Variants in PRKG1 observed in about 807,000 individuals in gnomAD.
PRKG1 encodes cGMP-dependent protein kinase 1.
Under a neutral mutation model 88.1 loss-of-function variants are expected in PRKG1, and 35 were observed. That is an observed-to-expected ratio of 0.40 (90% CI 0.30 to 0.53). The LOEUF is 0.53. PRKG1 is among the 20% of genes least tolerant of loss of function. PRKG1 has a pLI of 0.59. For synonymous variants in PRKG1, 303 were observed against 292.5 expected, an observed-to-expected ratio of 1.04 and a Z score of -0.37; for missense variants, 540 against 839.8, an observed-to-expected ratio of 0.64 and a Z score of 4.41.
intron 2 of PRKG1, among the ~76,000 whole-genome samples, chr10:51,400,850 G>A (rs1162680153): frequency 2.6e-5 from 4 of 152,186 alleles, no homozygotes; most frequent in Admixed American, 2.0e-4. Context: ...GGTGTGTAAT[G>A]ATGGGAATGG....
chr10:52,079,929 C>T (rs1846728190), intron 7 of PRKG1, among the ~76,000 whole-genome samples: 1 of 152,150 alleles, frequency 6.6e-6, no homozygotes, highest in Non-Finnish European at 1.5e-5. Context: ...AGTGCTAGGG[C>T]AGGCTGTCCC....
chr10:52,277,415 T>C (rs1405511408), intron 12 of PRKG1, among the ~76,000 whole-genome samples: 1 of 152,188 alleles, frequency 6.6e-6, no homozygotes, highest in African/African-American at 2.4e-5. Context: ...TATTAAGACA[T>C]AGTAGCTAAA....
chr10:51,530,583 G>T (rs1020397526), intron 3 of PRKG1, among the ~76,000 whole-genome samples: 1 of 152,028 alleles, frequency 6.6e-6, no homozygotes, highest in Non-Finnish European at 1.5e-5. Flanking sequence ...TTCAACTGAG[G>T]TGACCGTCAT....
intron 2 of PRKG1, among the ~76,000 whole-genome samples, chr10:51,303,074 A>C (rs1175108769): frequency 6.6e-6 from 1 of 152,170 alleles, no homozygotes; most frequent in Non-Finnish European, 1.5e-5. Flanking sequence ...GATTGGTTTG[A>C]AAACTGGTTA....
chr10:51,228,813 C>T (rs901803327), intron 2 of PRKG1, among the ~76,000 whole-genome samples: 4 of 152,146 alleles, frequency 2.6e-5, no homozygotes, highest in African/African-American at 9.7e-5. Context: ...CCCACTTTGC[C>T]GAAGATAATA....
rs1318995044 is a variant in PRKG1, at chr10:51,739,325, T to TC, written c.593-65260_593-65259insC. Reference sequence around the variant, plus strand: ...TGCTTCCCAAAACTCCTAGCTATATTTCCCTCCTAATGTCAAACCTAACAG... The same window carrying TC: ...TGCTTCCCAAAACTCCTAGCTATATTCTCCCTCCTAATGTCAAACCTAACAG... On this transcript the variant is annotated intron_variant, in intron 3 of 17. Coordinates refer to ENST00000373980, the MANE Select transcript of PRKG1 (RefSeq NM_006258.4). Among the ~76,000 whole-genome samples the TC allele has an allele frequency of 1.9e-3, 290 of 152,296 alleles. 3 individuals are homozygous for TC. The highest frequency in any genetic ancestry group is 2.9e-3 in the Non-Finnish European group (198 of 68,016).
intron 12 of PRKG1, among the ~76,000 whole-genome samples, chr10:52,275,911 G>A (rs757911125): frequency 6.6e-6 from 1 of 151,814 alleles, no homozygotes; most frequent in Non-Finnish European, 1.5e-5. Flanking sequence ...GGTATTTTCC[G>A]AAGTTTTTGG....
intron 4 of PRKG1, among the ~76,000 whole-genome samples, chr10:51,898,365 T>C (rs954069679): frequency 1.3e-5 from 2 of 152,048 alleles, no homozygotes; most frequent in African/African-American, 4.8e-5. Context: ...ATAATATACA[T>C]TACTTATTAT....
chr10:51,902,151 G>A (rs971540418), intron 4 of PRKG1, among the ~76,000 whole-genome samples: 27 of 151,784 alleles, frequency 1.8e-4, no homozygotes, highest in Admixed American at 3.9e-4. Flanking sequence ...TTTTGCTCTC[G>A]TTGCCCAGGC....
rs35778588 is a variant in PRKG1 at position 52,218,210 on chromosome 10, CAAAAAAA to C, written c.1077-33350_1077-33344del. ...TGGGTGACAAAGCGAGACTCCATCTCAAAAAAAAAAAAAAAAGAAAAATAGGTTACAG... is the reference window on the plus strand; with the variant it reads ...TGGGTGACAAAGCGAGACTCCATCTCAAAAAAAAAGAAAAATAGGTTACAG... On this transcript the variant is annotated intron_variant, in intron 9 of 17. Coordinates refer to ENST00000373980, the MANE Select transcript of PRKG1 (RefSeq NM_006258.4). Among the ~76,000 whole-genome samples the C allele has an allele frequency of 1.5e-4, 14 of 95,246 alleles. No individual in the cohort carries two copies. The East Asian group carries it at 3.9e-3, about 26-fold the overall frequency. The allele number at this position is 95,246 out of a possible 152,430, so 62.5% of individuals were successfully genotyped here.
At chr10:52,156,104 C>G (rs1036153390) in intron 8 of PRKG1, among the ~76,000 whole-genome samples, 3 of 151,806 alleles carry the variant, frequency 2.0e-5, no homozygotes, top group African/African-American at 7.3e-5. Flanking sequence ...CCATGATAGA[C>G]AGGGGGATAT....
intron 5 of PRKG1, among the ~76,000 whole-genome samples, chr10:51,938,705 T>A (rs769419089): frequency 2.6e-5 from 4 of 151,958 alleles, no homozygotes; most frequent in Non-Finnish European, 4.4e-5. Flanking sequence ...GGGGTATCCC[T>A]AGTCACATTT....
Position 51,545,867 on chromosome 10 carries a change from A to G in PRKG1, c.592+78031A>G, listed in dbSNP as rs184718317. 3.5e-3 allele frequency among the ~76,000 whole-genome samples: 540 copies of G among 152,140 alleles called. 6 individuals carry two copies. The highest frequency in any genetic ancestry group is 0.012 in the African/African-American group (508 of 41,566). On this transcript the variant is annotated intron_variant, in intron 3 of 17. Transcript: ENST00000373980. ...TCCCAAGTCACCAGAAGATTTCAAT[A>G]TGAGAGTCCCTTCCCCCTACACCCC...
intron 1 of PRKG1, among the ~76,000 whole-genome samples, chr10:51,087,851 G>A (rs544477690): frequency 2.6e-5 from 4 of 152,078 alleles, no homozygotes; most frequent in African/African-American, 7.2e-5. Context: ...TGCAACCTCC[G>A]CCTCCCGGGA....
intron 9 of PRKG1, among the ~76,000 whole-genome samples, chr10:52,178,932 T>G (rs561552817): frequency 6.8e-6 from 1 of 147,522 alleles, no homozygotes. Flanking sequence ...TTGGGTGTTG[T>G]TTTTTTTTTT....
chr10:52,152,513 G>A (rs1379565068), intron 8 of PRKG1, among the ~76,000 whole-genome samples: 1 of 152,050 alleles, frequency 6.6e-6, no homozygotes. Flanking sequence ...CAATTGAGCT[G>A]AGACCTGAAT....
chr10:51,597,454 G>GGT (rs1212416600), intron 3 of PRKG1, among the ~76,000 whole-genome samples: 1 of 152,098 alleles, frequency 6.6e-6, no homozygotes, highest in Non-Finnish European at 1.5e-5. Context: ...GTGAGGGAAT[G>GGT]ATCTGTTTCA....
At chr10:52,101,601 T>C (rs879844041) in intron 7 of PRKG1, among the ~76,000 whole-genome samples, 1 of 152,208 alleles carries the variant, frequency 6.6e-6, no homozygotes, top group Non-Finnish European at 1.5e-5. Flanking sequence ...GCCAAGTACT[T>C]ATCTAAATAA....
chr10:51,697,898 GC>G, intron 3 of PRKG1: 1 of 1,609,636 alleles, frequency 6.2e-7, no homozygotes, highest in South Asian at 1.1e-5. Context: ...TTGCTTGCTT[GC>G]CCCCTGTATA....
Sources: gnomAD v4.1 joint callset for allele counts (sites outside exome capture counted in the v4.1 genomes callset) on GRCh38, gnomAD v4.1.1 for gene constraint, MANE v1.5 for transcripts, NCBI Gene and HGNC (gene_info 2026-07-23, HGNC 2026-07-21) for gene names.